ZNF99: variants seen among roughly 807,000 people sequenced by gnomAD.
The protein encoded by ZNF99 is zinc finger protein ENSP00000375192.
ZNF99 carries 8 observed loss-of-function variants against 12.8 expected under a neutral mutation model. The ratio of observed to expected loss-of-function variants is 0.62; its 90% CI spans 0.37 to 1.13. The LOEUF (loss-of-function observed/expected upper bound fraction) is 1.13. Among genes scored for constraint, ZNF99 ranks in the 50% most tolerant of loss-of-function variants. The pLI, the probability that ZNF99 is intolerant of heterozygous loss-of-function variation, is 0.02. For synonymous variants in ZNF99, 318 were observed against 319.0 expected (o/e 1.00, Z 0.03); for missense variants, 1,007 against 1,006.2 (o/e 1.00, Z -0.01).
Position 22,756,040 on chromosome 19 carries a change from G to A in ZNF99, c.*1274C>T. 9.1e-7 allele frequency: 1 copy of A among 1,101,702 alleles called. No individual in the cohort carries two copies. The highest frequency in any genetic ancestry group is 1.3e-6 in the Non-Finnish European group (1 of 780,872). The allele number at this position is 1,101,702 out of a possible 1,614,324, so 68.2% of individuals were successfully genotyped here. ...CTTTGCCACATTCTTTACATTTGTG[G>A]GGTTTCTCTCCAGCATGAATTGTTT... On this transcript the variant is annotated 3_prime_UTR_variant, in exon 4 of 4. Transcript: ENST00000596209.
rs746163918 is a variant in ZNF99 at position 22,757,684 on chromosome 19, A to C, written c.2225T>G (p.Phe742Cys). ...TACAGTAAGTTTTGAGGACCACTTAAAAGCTTTACCACATTCTTCACATTT... is the reference window on the plus strand; with the variant it reads ...TACAGTAAGTTTTGAGGACCACTTACAAGCTTTACCACATTCTTCACATTT... ...PYKCEECGKA[F>C]KWSSKLTVHK... The change falls in exon 4 of 4, where the codon TTT (phenylalanine) becomes TGT (cysteine). Residue 742 changes from phenylalanine to cysteine, a missense_variant. Coordinates refer to ENST00000596209, the MANE Select transcript of ZNF99 (RefSeq NM_001080409.3). 1 of 1,611,920 alleles carries C rather than the reference A, an allele frequency of 6.2e-7. No individual in the cohort carries two copies.
chr19:22,783,553 T>G (rs1234536089), intron 1 of ZNF99, among the ~76,000 whole-genome samples: 2 of 152,182 alleles, frequency 1.3e-5, no homozygotes, highest in Non-Finnish European at 2.9e-5. Flanking sequence ...CACAGCTGGG[T>G]GCTCTGCCAT....
chr19:22,758,943 A>G lies in ZNF99; in HGVS notation c.966T>C (p.Phe322=). ...GTTTTCTAAGGGCTGAGAAATGGTT[A>G]AAAGCTTTGCCACATTCTTCGCATT... The part of the protein sequence containing the change: ...PYKCEECGKA[F]NHFSALRKHQ... Residue 322 remains phenylalanine, a synonymous_variant, in exon 4 of 4, where the codon TTT becomes TTC. Transcript: ENST00000596209. 1 of 1,613,922 alleles carries G rather than the reference A, an allele frequency of 6.2e-7. No individual in the cohort carries two copies. The highest frequency in any genetic ancestry group is 8.5e-7 in the Non-Finnish European group (1 of 1,179,912).
At position 22,757,479 on chromosome 19, in the gene ZNF99, A is replaced by G. The variant is rs771526081; in HGVS notation, c.2430T>C (p.Ile810=). The G allele has an allele frequency of 2.4e-5, 39 of 1,610,520 alleles. No homozygotes were observed. The African/African-American group carries it at 4.4e-4, about 18-fold the overall frequency. ...NSSTLRKHEI[I]HTGEKSYKCE... Reference sequence around the variant, plus strand: ...ATTTGTAGGATTTCTCTCCAGTATGAATTATCTCATGTTTTCTAAGGGTTG... The same window carrying G: ...ATTTGTAGGATTTCTCTCCAGTATGGATTATCTCATGTTTTCTAAGGGTTG... Residue 810 remains isoleucine (I), a synonymous_variant, in exon 4 of 4, where the codon ATT becomes ATC. Coordinates refer to ENST00000596209, the MANE Select transcript of ZNF99 (RefSeq NM_001080409.3).
chr19:22,770,017 G>T (rs1973249493), intron 1 of ZNF99: 1 of 1,333,274 alleles, frequency 7.5e-7, no homozygotes. Flanking sequence ...ATTTTAATGT[G>T]TACAATTAAC....
At chr19:22,782,776 A>T (rs987096348) in intron 1 of ZNF99, among the ~76,000 whole-genome samples, 17 of 147,290 alleles carry the variant, frequency 1.2e-4, no homozygotes, top group Non-Finnish European at 2.2e-4. Flanking sequence ...GGTTCAAGCG[A>T]TTATCTGCCT....
rs1319957129 is a variant in ZNF99 at position 22,776,424 on chromosome 19, T to G, written c.4-7100A>C. ...CCAAAATAAGATATATATATATATA[T>G]ATATATATATATATATATATATATA... On this transcript the variant is annotated intron_variant, in intron 1 of 3. Transcript: ENST00000596209. Among the ~76,000 whole-genome samples the G allele has an allele frequency of 6.2e-3, 147 of 23,730 alleles. 3 individuals are homozygous for G. The highest frequency in any genetic ancestry group is 0.036 in the African/African-American group (140 of 3,890). 15.6% of individuals were successfully genotyped at this position (23,730 alleles called of 152,430 possible).
Position 22,757,338 on chromosome 19 carries a change from A to G in ZNF99, c.2571T>C (p.Ser857=). The G allele has an allele frequency of 6.2e-7, 1 of 1,612,452 alleles. No homozygotes were observed. Among genetic ancestry groups the G allele is most frequent in the African/African-American group, 1.3e-5 (1 of 74,794 alleles). ...ATTATCTCATGTTTTCTAAGGGCTG[A>G]GAAATGTTTAAAAGCTTTGCCACAT... The part of the protein sequence containing the change: ...VKNVAKLLNI[S]QPLENMR The change falls in exon 4 of 4, where the codon TCT becomes TCC. Residue 857 remains serine, a synonymous_variant. Coordinates refer to ENST00000596209, the MANE Select transcript of ZNF99 (RefSeq NM_001080409.3).
intron 3 of ZNF99, among the ~76,000 whole-genome samples, chr19:22,761,017 G>C (rs1452656451): frequency 1.3e-5 from 2 of 151,738 alleles, no homozygotes; most frequent in Non-Finnish European, 2.9e-5. Context: ...GACTGTAACA[G>C]GTAGCTTTTT....
At chr19:22,770,036 T>G in intron 1 of ZNF99, 1 of 1,296,530 alleles carries the variant, frequency 7.7e-7, no homozygotes, top group Non-Finnish European at 1.0e-6. Flanking sequence ...ACTGGAGATC[T>G]TGTTAAGCAT....
chr19:22,755,585 C>G lies in ZNF99; in HGVS notation c.*1729G>C. ...CTTATGTTCAGTAAGTTTTGAGAAG[C>G]AGTTAAAAGTTTTGCCAAATTCTTT... On this transcript the variant is annotated 3_prime_UTR_variant, in exon 4 of 4. Transcript: ENST00000596209. 3.6e-6 allele frequency: 1 copy of G among 275,402 alleles called. No individual in the cohort carries two copies. The highest frequency in any genetic ancestry group is 9.3e-5 in the East Asian group (1 of 10,750). 17.1% of individuals were successfully genotyped at this position (275,402 alleles called of 1,614,324 possible).
intron 3 of ZNF99, among the ~76,000 whole-genome samples, chr19:22,761,438 A>G (rs1973149908): frequency 6.6e-6 from 1 of 152,230 alleles, no homozygotes; most frequent in Non-Finnish European, 1.5e-5. Context: ...ACAGGAACAT[A>G]TCACAATCCT....
chr19:22,776,427 ATATATATATATATATAT>A (rs1470207449), intron 1 of ZNF99, among the ~76,000 whole-genome samples: 2 of 30,158 alleles, frequency 6.6e-5, no homozygotes, highest in East Asian at 1.8e-3. Context: ...ATATATATAT[ATATATATATATATATAT>A]ATATATATAT....
chr19:22,756,925 C>G lies in ZNF99; in HGVS notation c.*389G>C. On this transcript the variant is annotated 3_prime_UTR_variant, in exon 4 of 4. Coordinates refer to ENST00000596209, the MANE Select transcript of ZNF99 (RefSeq NM_001080409.3). Reference sequence around the variant, plus strand: ...TTATGTTCCATAAGTTTTGAGACCACTTAAAAGCTTTACCACATTCTTCAC... The same window carrying G: ...TTATGTTCCATAAGTTTTGAGACCAGTTAAAAGCTTTACCACATTCTTCAC... The G allele has an allele frequency of 6.2e-7, 1 of 1,608,164 alleles. No homozygotes were observed. Among genetic ancestry groups the G allele is most frequent in the South Asian group, 1.1e-5 (1 of 90,878 alleles).
In ZNF99 at chr19:22,756,586, G is replaced by T. The variant is rs369551489; in HGVS notation, c.*728C>A. On this transcript the variant is annotated 3_prime_UTR_variant, in exon 4 of 4. Coordinates refer to ENST00000596209, the MANE Select transcript of ZNF99 (RefSeq NM_001080409.3). ...TGATTTATGTTTAGTAAGGTGTGAG[G>T]ATTGCTTAAAAGCTTTGCCACATTC... is the stretch of plus-strand genomic sequence containing the variant. 554 of 1,594,034 alleles carry T rather than the reference G, an allele frequency of 3.5e-4. 16 individuals carry two copies. Among genetic ancestry groups the T allele is most frequent in the Admixed American group, 3.3e-3 (197 of 59,092 alleles).
At chr19:22,767,838 A>G (rs913390480) in intron 3 of ZNF99, among the ~76,000 whole-genome samples, 1 of 152,228 alleles carries the variant, frequency 6.6e-6, no homozygotes, top group African/African-American at 2.4e-5. Context: ...AACAGACTGT[A>G]CAAGAAGTAT....
rs562029268 is a variant in ZNF99, at chr19:22,763,341, G to A, written c.227-3659C>T. Among the ~76,000 whole-genome samples, 9 of 151,850 alleles carry A rather than the reference G, an allele frequency of 5.9e-5. No homozygotes were observed. In the South Asian group the frequency reaches 1.5e-3, roughly 25 times the overall value. On this transcript the variant is annotated intron_variant, in intron 3 of 3. Transcript: ENST00000596209. ...AGTAGCTCTTCTATACACCAACAGC[G>A]ACGAAGCAGAGAGTCAAATCAAAAC... is the stretch of plus-strand genomic sequence containing the variant.
chr19:22,769,447 C>T (rs11669602), intron 1 of ZNF99, 123 bp from the exon 2 acceptor site: 176,812 of 1,057,892 alleles, frequency 0.17, 15,168 homozygotes, highest in East Asian at 0.18. Context: ...GATGACTGAA[C>T]GTATTCAGTA....
chr19:22,758,190 A>G lies in ZNF99; in HGVS notation c.1719T>C (p.Ala573=), dbSNP rs369557719. The G allele has an allele frequency of 3.0e-4, 490 of 1,613,682 alleles. No homozygotes were observed. Among genetic ancestry groups the G allele is most frequent in the Non-Finnish European group, 4.0e-4 (473 of 1,179,860 alleles). The change falls in exon 4 of 4, where the codon GCT becomes GCC. Residue 573 remains alanine (A), a synonymous_variant. Transcript: ENST00000596209. ...TAGTAAGATGTGAAGATTGCTTAAA[A>G]GCTTTGCCACATTCTTCACATTTGT... ...KPYKCEECGK[A]FKQSSHLTRH... is the part of the protein sequence containing the mutation.
Sources: allele counts gnomAD v4.1 joint callset (sites outside exome capture counted in the v4.1 genomes callset), GRCh38; gene constraint gnomAD v4.1.1; transcripts MANE v1.5; gene names NCBI Gene and HGNC (gene_info 2026-07-23, HGNC 2026-07-21).